The following GALNT13 variants were observed in gnomAD, a reference collection of about 807,000 sequenced individuals.
GALNT13 encodes the protein UDP-GalNAc:polypeptide N-acetylgalactosaminyltransferase 13.
Under a neutral mutation model 64.2 loss-of-function variants are expected in GALNT13, and 28 were observed. That is an observed-to-expected ratio of 0.44 (90% confidence interval 0.32 to 0.60). The LOEUF is 0.60. Among genes scored for constraint, GALNT13 ranks in the 20% least tolerant of loss-of-function variants. GALNT13 has a pLI of 0.05. For synonymous variants in GALNT13, 214 were observed against 224.6 expected (o/e 0.95, Z 0.42); for missense variants, 577 against 669.8 (o/e 0.86, Z 1.53).
At chr2:153,722,769 CTGAA>C in the GALNT13 span, among the ~76,000 whole-genome samples, 1 of 152,160 alleles carries the variant, frequency 6.6e-6, no homozygotes, top group East Asian at 1.9e-4. Flanking sequence ...AGTTGAATCT[CTGAA>C]TGGACCAATA....
intron 3 of GALNT13, among the ~76,000 whole-genome samples, chr2:154,045,309 G>T (rs1699219368): frequency 6.6e-6 from 1 of 152,120 alleles, no homozygotes; most frequent in South Asian, 2.1e-4. Context: ...TACTGTGGTT[G>T]GAAGATATAG....
chr2:153,852,459 C>T, the GALNT13 span, among the ~76,000 whole-genome samples: 875 of 152,052 alleles, frequency 5.8e-3, 8 homozygotes, highest in African/African-American at 0.02. Context: ...ATCTATAGGA[C>T]GTAATCCTAA....
At chr2:153,636,768 A>G in the GALNT13 span, among the ~76,000 whole-genome samples, 3 of 152,140 alleles carry the variant, frequency 2.0e-5, no homozygotes, top group Non-Finnish European at 2.9e-5. Flanking sequence ...TTGTTCCTAC[A>G]TTGCTAGGAA....
intron 9 of GALNT13, among the ~76,000 whole-genome samples, chr2:154,381,065 T>A (rs1698247538): frequency 6.6e-6 from 1 of 152,050 alleles, no homozygotes; most frequent in South Asian, 2.1e-4. Flanking sequence ...ATTTTTGTCC[T>A]ATTTTCTGGA....
chr2:153,443,686 G>A, the GALNT13 span, among the ~76,000 whole-genome samples: 1 of 152,132 alleles, frequency 6.6e-6, no homozygotes, highest in African/African-American at 2.4e-5. Flanking sequence ...ACTTTGGGAG[G>A]CCAAGGCAGA....
intron 9 of GALNT13, among the ~76,000 whole-genome samples, chr2:154,369,318 T>C (rs781208046): frequency 2.6e-5 from 4 of 152,034 alleles, no homozygotes; most frequent in Non-Finnish European, 5.9e-5. Flanking sequence ...TGGGGTAAGA[T>C]TCATTTATAG....
the GALNT13 span, among the ~76,000 whole-genome samples, chr2:153,575,606 C>T: frequency 2.0e-5 from 3 of 152,270 alleles, no homozygotes; most frequent in Non-Finnish European, 4.4e-5. Context: ...TAGCACTCTT[C>T]ACTCCCCTTT....
At position 154,235,930 on chromosome 2, in the gene GALNT13, G is replaced by T. The variant is rs188685282; in HGVS notation, c.312-6100G>T. Reference sequence around the variant, plus strand: ...TAGCCTAGGGAAAAAGTGATAAATAGGAATACTATTTCACTGTATTGCTAT... The same window carrying T: ...TAGCCTAGGGAAAAAGTGATAAATATGAATACTATTTCACTGTATTGCTAT... On this transcript the variant is annotated intron_variant, in intron 4 of 12. Transcript: ENST00000392825. The T allele has an allele frequency of 5.0e-4, 167 of 333,038 alleles. 3 individuals carry two copies. In the East Asian group the frequency reaches 0.013, roughly 26 times the overall value. The allele number at this position is 333,038 out of a possible 1,614,324, so 20.6% of individuals were successfully genotyped here. A position where few individuals can be genotyped will look rare whatever the true frequency, so the allele number is the denominator to read the frequency against.
intron 3 of GALNT13, among the ~76,000 whole-genome samples, chr2:154,097,452 A>G (rs867055888): frequency 6.6e-6 from 1 of 152,128 alleles, no homozygotes; most frequent in Non-Finnish European, 1.5e-5. Context: ...TATAATTAAG[A>G]TGAAGCCTGT....
intron 4 of GALNT13, among the ~76,000 whole-genome samples, chr2:154,232,290 G>A (rs998363682): frequency 6.6e-6 from 1 of 152,080 alleles, no homozygotes; most frequent in African/African-American, 2.4e-5. Flanking sequence ...AAAGTTAATA[G>A]TATTGATCCT....
chr2:153,870,322 C>CT (rs546320827), upstream of GALNT13, among the ~76,000 whole-genome samples: 5 of 151,968 alleles, frequency 3.3e-5, no homozygotes, highest in Non-Finnish European at 5.9e-5. Context: ...GGAATTGCGC[C>CT]TTTTTTTAAG....
the GALNT13 span, among the ~76,000 whole-genome samples, chr2:153,726,756 C>T: frequency 2.0e-5 from 3 of 151,736 alleles, no homozygotes; most frequent in Non-Finnish European, 2.9e-5. Context: ...CTGGCTAACA[C>T]GGTGAAACCC....
At chr2:153,086,521 C>G in the GALNT13 span, among the ~76,000 whole-genome samples, 1 of 152,126 alleles carries the variant, frequency 6.6e-6, no homozygotes, top group African/African-American at 2.4e-5. Context: ...TGCACACAGT[C>G]TCTTGCCTGC....
the GALNT13 span, among the ~76,000 whole-genome samples, chr2:153,398,050 C>G: frequency 6.6e-6 from 1 of 151,442 alleles, no homozygotes; most frequent in Non-Finnish European, 1.5e-5. Flanking sequence ...TTAGGTATAT[C>G]TCGCAATGCT....
At chr2:153,742,319 T>C in the GALNT13 span, among the ~76,000 whole-genome samples, 4 of 152,188 alleles carry the variant, frequency 2.6e-5, no homozygotes, top group Admixed American at 2.0e-4. Context: ...TCGTAAATTT[T>C]TTTTTATTTT....
intron 9 of GALNT13, among the ~76,000 whole-genome samples, chr2:154,336,237 TA>T (rs1196523306): frequency 6.6e-6 from 1 of 152,120 alleles, no homozygotes; most frequent in African/African-American, 2.4e-5. Flanking sequence ...AGAGATATTT[TA>T]AATAATCATT....
chr2:153,849,240 T>A, the GALNT13 span, among the ~76,000 whole-genome samples: 1 of 152,138 alleles, frequency 6.6e-6, no homozygotes, highest in African/African-American at 2.4e-5. Flanking sequence ...AACATTTTAA[T>A]GATAAAACTA....
chr2:153,499,954 G>A, the GALNT13 span, among the ~76,000 whole-genome samples: 1 of 152,046 alleles, frequency 6.6e-6, no homozygotes, highest in Admixed American at 6.5e-5. Flanking sequence ...CTTGGAAGGG[G>A]CCAGCTCTCC....
At chr2:153,265,908 T>C in the GALNT13 span, among the ~76,000 whole-genome samples, 1 of 152,206 alleles carries the variant, frequency 6.6e-6, no homozygotes, top group Non-Finnish European at 1.5e-5. Context: ...GACTTCAATT[T>C]TGAAAGAAGA....
Sources: gnomAD v4.1 joint callset for allele counts (sites outside exome capture counted in the v4.1 genomes callset) on GRCh38, gnomAD v4.1.1 for gene constraint, MANE v1.5 for transcripts, NCBI Gene and HGNC (gene_info 2026-07-23, HGNC 2026-07-21) for gene names.